SCAPER: variants seen among roughly 807,000 people sequenced by gnomAD.
The protein encoded by SCAPER is S-phase cyclin A associated protein in the ER.
In SCAPER, 98 loss-of-function variants were observed where a neutral mutation model predicts 182.2. The observed-to-expected ratio is 0.54, with a 90% CI of 0.46 to 0.64. The LOEUF is 0.64. Ranked by LOEUF, SCAPER falls within the 30% of genes least tolerant of loss-of-function variation. SCAPER has a pLI of 0.00. For missense variants in SCAPER, 1,432 were observed against 1,690.0 expected, an observed-to-expected ratio of 0.85 and a Z score of 2.68; for synonymous variants, 605 against 564.6, an observed-to-expected ratio of 1.07 and a Z score of -1.01.
chr15:76,764,954 A>T lies in SCAPER; in HGVS notation c.1725+7T>A. The T allele has an allele frequency of 4.6e-6, 7 of 1,521,068 alleles. No individual in the cohort carries two copies. The highest frequency in any genetic ancestry group is 5.4e-6 in the Non-Finnish European group (6 of 1,114,582). The allele number at this position is 1,521,068 out of a possible 1,614,324, so 94.2% of individuals were successfully genotyped here. ...CTATCATAATTTCCTAAAAAATAAA[A>T]ACTCACCCTTTCTAACAATTTCTGA... On this transcript the variant is annotated splice_region_variant and intron_variant, in intron 14 of 31. Transcript: ENST00000563290.
intron 4 of SCAPER, among the ~76,000 whole-genome samples, chr15:76,848,061 G>A (rs978731164): frequency 6.6e-5 from 10 of 152,116 alleles, no homozygotes; most frequent in African/African-American, 2.4e-4. Flanking sequence ...ATGCTGGAGT[G>A]CAATGGCGTG....
chr15:76,753,956 T>C lies in SCAPER; in HGVS notation c.1726-8A>G, dbSNP rs1395463266. ...CTTCCGGACATCCTTCTCCTACGTA[T>C]AGTGAATCATCACATCCTTAATTTC... On this transcript the variant is annotated splice_region_variant and splice_polypyrimidine_tract_variant and intron_variant, in intron 14 of 31. Transcript: ENST00000563290. 1.2e-6 allele frequency: 2 copies of C among 1,610,910 alleles called. No individual in the cohort carries two copies. Among genetic ancestry groups the C allele is most frequent in the Non-Finnish European group, 8.5e-7 (1 of 1,178,256 alleles).
At chr15:76,506,003 G>T (rs922899838) in intron 23 of SCAPER, among the ~76,000 whole-genome samples, 1 of 152,014 alleles carries the variant, frequency 6.6e-6, no homozygotes, top group Non-Finnish European at 1.5e-5. Context: ...GAAGTAAGAC[G>T]AACTTCACAT....
At chr15:76,572,917 T>TCACACACACA (rs1231032832) in intron 23 of SCAPER, among the ~76,000 whole-genome samples, 122 of 133,534 alleles carry the variant, frequency 9.1e-4, no homozygotes, top group African/African-American at 2.3e-3. Context: ...TCTCTCTCTC[T>TCACACACACA]CTCACACACA....
chr15:76,649,540 T>C (rs1294008972), intron 21 of SCAPER, among the ~76,000 whole-genome samples: 2 of 150,788 alleles, frequency 1.3e-5, no homozygotes, highest in South Asian at 2.1e-4. Flanking sequence ...GAAAAAAATA[T>C]ATATATATGC....
At chr15:76,861,749 GA>G (rs373488230) in intron 3 of SCAPER, 2 of 151,876 alleles carry the variant, frequency 1.3e-5, no homozygotes, top group African/African-American at 4.8e-5. Flanking sequence ...TTTAATAAAA[GA>G]AAAAACCTAA....
chr15:76,812,899 GAA>G (rs199538401), intron 5 of SCAPER, among the ~76,000 whole-genome samples: 1 of 145,050 alleles, frequency 6.9e-6, no homozygotes, highest in Non-Finnish European at 1.5e-5. Flanking sequence ...AATACTTCCA[GAA>G]AAAAAAAAAT....
At chr15:76,524,694 T>G (rs1469720349) in intron 23 of SCAPER, among the ~76,000 whole-genome samples, 24 of 142,132 alleles carry the variant, frequency 1.7e-4, no homozygotes, top group Non-Finnish European at 3.2e-4. Flanking sequence ...GTTCTGTTTT[T>G]TTTTTTTTTT....
chr15:76,713,913 C>A (rs575737398), intron 17 of SCAPER, among the ~76,000 whole-genome samples: 1 of 152,200 alleles, frequency 6.6e-6, no homozygotes, highest in African/African-American at 2.4e-5. Context: ...AAGTGAATGG[C>A]CACAAAAAGA....
chr15:76,356,200 T>C (rs1470492788), intron 29 of SCAPER, among the ~76,000 whole-genome samples: 1 of 152,182 alleles, frequency 6.6e-6, no homozygotes, highest in East Asian at 1.9e-4. Flanking sequence ...AGTGGGCTAA[T>C]TCAGGTGGGC....
At chr15:76,560,142 T>C (rs1398234708) in intron 23 of SCAPER, among the ~76,000 whole-genome samples, 1 of 152,102 alleles carries the variant, frequency 6.6e-6, no homozygotes, top group Non-Finnish European at 1.5e-5. Context: ...AGAAACTTAA[T>C]CCCCGGTGTG....
chr15:76,418,211 G>C (rs565629376), intron 26 of SCAPER, among the ~76,000 whole-genome samples: 63 of 152,134 alleles, frequency 4.1e-4, no homozygotes, highest in Non-Finnish European at 8.1e-4. Context: ...AATCCCTGTG[G>C]AACATTAAAG....
intron 22 of SCAPER, among the ~76,000 whole-genome samples, chr15:76,582,856 A>G (rs2048360768): frequency 6.6e-6 from 1 of 152,234 alleles, no homozygotes; most frequent in South Asian, 2.1e-4. Context: ...AGGAAAAAAC[A>G]GTCTCAAGAC....
chr15:76,870,786 A>C (rs868367957), intron 2 of SCAPER, among the ~76,000 whole-genome samples: 13 of 152,176 alleles, frequency 8.5e-5, no homozygotes, highest in African/African-American at 2.7e-4. Flanking sequence ...AGAGAAACAA[A>C]AATGGGATTA....
At chr15:76,804,418 A>T in intron 6 of SCAPER, 115 bp downstream of exon 6, 1 of 612,538 alleles carries the variant, frequency 1.6e-6, no homozygotes, top group Non-Finnish European at 2.8e-6. Flanking sequence ...GCAGCACCTG[A>T]CTTTTAGATT....
At chr15:76,895,210 G>A (rs746160307) in intron 1 of SCAPER, among the ~76,000 whole-genome samples, 10 of 152,122 alleles carry the variant, frequency 6.6e-5, no homozygotes, top group Non-Finnish European at 1.2e-4. Flanking sequence ...TTTGTGGGTT[G>A]CAAGAATGGT....
chr15:76,652,831 A>G (rs937958365), intron 21 of SCAPER, among the ~76,000 whole-genome samples: 1 of 151,984 alleles, frequency 6.6e-6, no homozygotes, highest in African/African-American at 2.4e-5. Flanking sequence ...AAGGACTCCC[A>G]CTCTCACCAC....
chr15:76,469,998 A>AAG (rs2050011616), intron 25 of SCAPER, among the ~76,000 whole-genome samples: 1 of 152,084 alleles, frequency 6.6e-6, no homozygotes, highest in Non-Finnish European at 1.5e-5. Context: ...ATCACTATAA[A>AAG]AAGCCATTGT....
chr15:76,805,555 CTTTTTTTTTT>C (rs59845788), intron 5 of SCAPER, among the ~76,000 whole-genome samples: 1 of 85,878 alleles, frequency 1.2e-5, no homozygotes, highest in Non-Finnish European at 2.4e-5. Flanking sequence ...ATTTGTTTAC[CTTTTTTTTTT>C]TTTTTTTTTT....
Sources: gnomAD v4.1 joint callset for allele counts (sites outside exome capture counted in the v4.1 genomes callset) on GRCh38, gnomAD v4.1.1 for gene constraint, MANE v1.5 for transcripts, NCBI Gene and HGNC (gene_info 2026-07-23, HGNC 2026-07-21) for gene names.